SPATA13: variants seen among roughly 807,000 people sequenced by gnomAD.
SPATA13 encodes spermatogenesis associated 13.
SPATA13 carries 50 observed loss-of-function variants against 104.0 expected under a neutral mutation model. That is an observed-to-expected ratio of 0.48 (90% CI 0.38 to 0.61). The LOEUF is 0.61. Among genes scored for constraint, SPATA13 ranks in the 20% least tolerant of loss-of-function variants. The pLI, the probability that SPATA13 is intolerant of heterozygous loss-of-function variation, is 0.00. For synonymous variants in SPATA13, 606 were observed against 667.5 expected (o/e 0.91, Z 1.42); for missense variants, 1,524 against 1,690.6 (o/e 0.90, Z 1.73).
intron 1 of SPATA13, among the ~76,000 whole-genome samples, chr13:24,219,843 C>T (rs1049044620): frequency 1.3e-5 from 2 of 152,166 alleles, no homozygotes; most frequent in Non-Finnish European, 2.9e-5. Context: ...TAATTTATCG[C>T]ACTGAGCTTT....
chr13:24,229,029 A>G (rs759439873), intron 2 of SPATA13, among the ~76,000 whole-genome samples: 9 of 152,196 alleles, frequency 5.9e-5, no homozygotes, highest in Non-Finnish European at 1.2e-4. Flanking sequence ...CCTAGTGGTA[A>G]GCTTTAAGAG....
chr13:24,071,419 A>G (rs1015457065), intron 3 of SPATA13, among the ~76,000 whole-genome samples: 3 of 152,206 alleles, frequency 2.0e-5, no homozygotes, highest in African/African-American at 7.2e-5. Context: ...GTGAACCTTT[A>G]TCTGCATTGT....
At chr13:24,036,595 G>C (rs1044403328) in intron 3 of SPATA13, among the ~76,000 whole-genome samples, 2 of 152,076 alleles carry the variant, frequency 1.3e-5, no homozygotes, top group Non-Finnish European at 2.9e-5. Context: ...CCAGGGACGA[G>C]ATCTCTCTGA....
At chr13:24,165,773 G>C (rs912125573) in intron 1 of SPATA13, among the ~76,000 whole-genome samples, 2 of 152,186 alleles carry the variant, frequency 1.3e-5, no homozygotes, top group African/African-American at 4.8e-5. Flanking sequence ...TGCTCTGTGT[G>C]ATAGGAACAG....
upstream of SPATA13, among the ~76,000 whole-genome samples, chr13:24,157,006 T>C (rs116087041): frequency 6.9e-3 from 1,052 of 152,286 alleles, 7 homozygotes; most frequent in African/African-American, 0.024. Flanking sequence ...GACAAAATCA[T>C]CTGGAGAATG....
intron 1 of SPATA13, among the ~76,000 whole-genome samples, chr13:24,189,065 C>G (rs1041483551): frequency 5.3e-5 from 8 of 152,118 alleles, no homozygotes; most frequent in African/African-American, 1.9e-4. Context: ...CCCAAGAGCT[C>G]TAATGGAGAA....
chr13:24,140,665 C>T (rs1413024745), intron 3 of SPATA13, among the ~76,000 whole-genome samples: 1 of 152,158 alleles, frequency 6.6e-6, no homozygotes, highest in African/African-American at 2.4e-5. Flanking sequence ...GGGACTGCAA[C>T]TAATGTGGGG....
intron 3 of SPATA13, among the ~76,000 whole-genome samples, chr13:24,040,181 G>A (rs1267090559): frequency 6.6e-6 from 1 of 152,202 alleles, no homozygotes; most frequent in African/African-American, 2.4e-5. Flanking sequence ...AGTGCCCTAT[G>A]CCAGCAAAAC....
At chr13:24,042,501 A>G (rs543642160) in intron 3 of SPATA13, among the ~76,000 whole-genome samples, 2 of 152,292 alleles carry the variant, frequency 1.3e-5, no homozygotes, top group South Asian at 4.1e-4. Flanking sequence ...AGTCACTGAG[A>G]TCAGAGACAC....
intron 9 of SPATA13, among the ~76,000 whole-genome samples, chr13:24,293,596 A>G (rs1163830451): frequency 6.6e-6 from 1 of 152,242 alleles, no homozygotes; most frequent in Non-Finnish European, 1.5e-5. Context: ...TAAGTAAAAC[A>G]AAGCAAAAAT....
chr13:24,252,703 C>G (rs181542270), intron 4 of SPATA13: 94 of 152,284 alleles, frequency 6.2e-4, no homozygotes, highest in African/African-American at 2.2e-3. Context: ...TTAATTTTAG[C>G]GTTCTTTTGT....
At chr13:24,226,884 G>C (rs1347333030) in intron 2 of SPATA13, among the ~76,000 whole-genome samples, 1 of 152,210 alleles carries the variant, frequency 6.6e-6, no homozygotes, top group Non-Finnish European at 1.5e-5. Context: ...ATTGAGATTA[G>C]TCTCAAGGTC....
chr13:24,170,817 A>C (rs1882938236), intron 1 of SPATA13, among the ~76,000 whole-genome samples: 3 of 152,136 alleles, frequency 2.0e-5, no homozygotes, highest in Non-Finnish European at 4.4e-5. Context: ...GCACCCTTTT[A>C]GTCATTGAGA....
intron 2 of SPATA13, among the ~76,000 whole-genome samples, chr13:24,241,992 G>T (rs901520412): frequency 6.6e-6 from 1 of 151,982 alleles, no homozygotes; most frequent in Non-Finnish European, 1.5e-5. Flanking sequence ...GTTCAAGGCT[G>T]CAGTGAGCAC....
Position 24,160,782 on chromosome 13 carries a change from C to A in SPATA13, c.-262C>A, listed in dbSNP as rs202088156. On this transcript the variant is annotated 5_prime_UTR_variant, in exon 1 of 13. Transcript: ENST00000382108. The stretch of plus-strand genomic sequence containing the variant: ...GCGCTTTCTCCCGCGATCGCCCTGC[C>A]GGTCGCTAGCTCCGAGGGCGCGCAC... The A allele has an allele frequency of 1.0e-6, 1 of 985,372 alleles. No individual in the cohort carries two copies. The highest frequency in any genetic ancestry group is 1.7e-5 in the African/African-American group (1 of 57,250). The allele number at this position is 985,372 out of a possible 1,614,324, so 61.0% of individuals were successfully genotyped here. A position where few individuals can be genotyped will look rare whatever the true frequency, so the allele number is the denominator to read the frequency against.
chr13:24,027,722 G>C (rs1389744478), intron 3 of SPATA13, among the ~76,000 whole-genome samples: 1 of 152,118 alleles, frequency 6.6e-6, no homozygotes, highest in Non-Finnish European at 1.5e-5. Context: ...TAACTTCTCT[G>C]TGCCTTAGTT....
At chr13:24,157,036 T>A (rs1479963072), upstream of SPATA13, among the ~76,000 whole-genome samples, 1 of 152,220 alleles carries the variant, frequency 6.6e-6, no homozygotes. Context: ...TTGTTGCTAA[T>A]GATCTCTGAG....
intron 3 of SPATA13, among the ~76,000 whole-genome samples, chr13:24,114,636 GT>G (rs967467888): frequency 4.0e-4 from 60 of 149,562 alleles, no homozygotes; most frequent in African/African-American, 9.8e-4. Context: ...ACTCTCCTTA[GT>G]TTTTTTTTTG....
chr13:23,996,029 C>G (rs1875672960), intron 2 of SPATA13, among the ~76,000 whole-genome samples: 1 of 152,108 alleles, frequency 6.6e-6, no homozygotes, highest in Non-Finnish European at 1.5e-5. Context: ...GTTGCTCATT[C>G]CAGAAGAGAA....
Sources: gnomAD v4.1 joint callset for allele counts (sites outside exome capture counted in the v4.1 genomes callset) on GRCh38, gnomAD v4.1.1 for gene constraint, MANE v1.5 for transcripts, NCBI Gene and HGNC (gene_info 2026-07-23, HGNC 2026-07-21) for gene names.